The following TUSC3 variants were observed in gnomAD, a reference collection of about 807,000 sequenced individuals.
The protein encoded by TUSC3 is dolichyl-diphosphooligosaccharide--protein glycosyltransferase subunit TUSC3.
Under a neutral mutation model 44.8 loss-of-function variants are expected in TUSC3, and 45 were observed. The observed-to-expected ratio is 1.00, with a 90% CI of 0.79 to 1.29. The LOEUF is 1.29. Ranked by LOEUF, TUSC3 falls within the 50% of genes most tolerant of loss-of-function variation. TUSC3 has a pLI of 0.00. For missense variants in TUSC3, 519 were observed against 437.9 expected (o/e 1.19, Z -1.65); for synonymous variants, 212 against 152.9 (o/e 1.39, Z -2.85).
intron 1 of TUSC3, among the ~76,000 whole-genome samples, chr8:15,458,851 T>C (rs1003945919): frequency 3.9e-5 from 6 of 152,178 alleles, no homozygotes; most frequent in African/African-American, 1.4e-4. Context: ...AAAGCTGTCT[T>C]GGATTTTAGC....
intron 2 of TUSC3, among the ~76,000 whole-genome samples, chr8:15,503,068 G>A (rs1266871555): frequency 2.0e-5 from 3 of 152,064 alleles, no homozygotes; most frequent in South Asian, 2.1e-4. Flanking sequence ...CCACTTTCCC[G>A]CCATTTATAT....
intron 2 of TUSC3, among the ~76,000 whole-genome samples, chr8:15,515,644 G>T (rs1459277408): frequency 6.6e-6 from 1 of 151,798 alleles, no homozygotes; most frequent in East Asian, 1.9e-4. Context: ...TATATTATAT[G>T]ATACAAAATA....
intron 1 of TUSC3, among the ~76,000 whole-genome samples, chr8:15,474,495 C>A (rs1480041497): frequency 6.6e-6 from 1 of 152,074 alleles, no homozygotes. Context: ...CGTTCAGAGT[C>A]CCTGACTTCC....
At chr8:15,515,460 C>G (rs1585072474) in intron 2 of TUSC3, among the ~76,000 whole-genome samples, 1 of 152,172 alleles carries the variant, frequency 6.6e-6, no homozygotes, top group East Asian at 1.9e-4. Flanking sequence ...ATAGTATGAA[C>G]AGTCATTCAG....
intron 1 of TUSC3, among the ~76,000 whole-genome samples, chr8:15,447,707 T>A (rs1038162661): frequency 6.6e-6 from 1 of 151,622 alleles, no homozygotes; most frequent in East Asian, 1.9e-4. Flanking sequence ...TTTTTTTTTT[T>A]ACTTACTTTT....
At chr8:15,516,092 T>G (rs1057253351) in intron 2 of TUSC3, among the ~76,000 whole-genome samples, 1 of 152,162 alleles carries the variant, frequency 6.6e-6, no homozygotes, top group African/African-American at 2.4e-5. Flanking sequence ...AGCAGTAAGA[T>G]TAGTCTAGAT....
intron 6 of TUSC3, among the ~76,000 whole-genome samples, chr8:15,704,401 A>G (rs894335151): frequency 2.0e-5 from 3 of 151,878 alleles, no homozygotes; most frequent in African/African-American, 2.4e-5. Flanking sequence ...TGTTCTATAT[A>G]AGCCTTGTAA....
chr8:15,474,402 T>C (rs573575111), intron 1 of TUSC3, among the ~76,000 whole-genome samples: 2 of 152,298 alleles, frequency 1.3e-5, no homozygotes, highest in South Asian at 2.1e-4. Context: ...TAAGAAATTA[T>C]AAGAGTATTA....
At chr8:15,552,586 T>G (rs1313209138) in intron 1 of TUSC3, among the ~76,000 whole-genome samples, 1 of 151,664 alleles carries the variant, frequency 6.6e-6, no homozygotes, top group Admixed American at 6.6e-5. Context: ...GTCCAGCATA[T>G]GAAAAAACAC....
intron 2 of TUSC3, among the ~76,000 whole-genome samples, chr8:15,630,023 T>A (rs1343596473): frequency 6.7e-6 from 1 of 148,508 alleles, no homozygotes; most frequent in African/African-American, 2.5e-5. Context: ...ACTTTTTTTT[T>A]AAATCAAATT....
At chr8:15,479,726 G>A (rs1192009551) in intron 1 of TUSC3, among the ~76,000 whole-genome samples, 3 of 152,106 alleles carry the variant, frequency 2.0e-5, no homozygotes, top group Admixed American at 2.0e-4. Context: ...AATGCCTCCA[G>A]CTTTGTTCTT....
At chr8:15,515,101 A>T (rs561275240) in intron 2 of TUSC3, among the ~76,000 whole-genome samples, 1 of 152,252 alleles carries the variant, frequency 6.6e-6, no homozygotes, top group East Asian at 1.9e-4. Flanking sequence ...CCAAGACCAC[A>T]CTGTCTTGAT....
the TUSC3 span, among the ~76,000 whole-genome samples, chr8:15,795,144 C>G: frequency 6.6e-6 from 1 of 152,182 alleles, no homozygotes. Context: ...TCAATCATGG[C>G]TCCTGGGATC....
the TUSC3 span, among the ~76,000 whole-genome samples, chr8:15,820,151 C>T: frequency 1.3e-5 from 2 of 152,002 alleles, no homozygotes; most frequent in Non-Finnish European, 2.9e-5. Context: ...TGTTAAAGTA[C>T]CTTCATAAAT....
chr8:15,650,934 G>C lies in TUSC3; in HGVS notation c.426+120G>C, dbSNP rs975435856. ...GAACCTGGGAGGCGGAGGTTGCAGT[G>C]AGCCGAGATTGTGCCACTGCATTCC... On this transcript the variant is annotated intron_variant, in intron 3 of 10. Transcript: ENST00000503731. 4.0e-6 allele frequency: 4 copies of C among 1,002,480 alleles called. No individual in the cohort carries two copies. The African/African-American group carries it at 6.3e-5, about 16-fold the overall frequency. The allele number at this position is 1,002,480 out of a possible 1,614,324, so 62.1% of individuals were successfully genotyped here.
At chr8:15,794,924 A>G in the TUSC3 span, among the ~76,000 whole-genome samples, 1 of 152,164 alleles carries the variant, frequency 6.6e-6, no homozygotes, top group Non-Finnish European at 1.5e-5. Flanking sequence ...ATATGGATAA[A>G]TGTGAGAATC....
intron 2 of TUSC3, among the ~76,000 whole-genome samples, chr8:15,529,477 TAC>T (rs1322593409): frequency 2.0e-4 from 30 of 152,190 alleles, no homozygotes; most frequent in African/African-American, 6.8e-4. Context: ...TCACTGAAGA[TAC>T]AGTTTAAAAA....
chr8:15,664,202 A>G (rs1807552917), intron 5 of TUSC3, among the ~76,000 whole-genome samples: 3 of 151,740 alleles, frequency 2.0e-5, no homozygotes, highest in Admixed American at 2.0e-4. Flanking sequence ...CAAAGCTAGA[A>G]TGTGATTGAA....
upstream of TUSC3, among the ~76,000 whole-genome samples, chr8:15,537,970 G>T (rs7830920): frequency 1.3e-5 from 2 of 152,122 alleles, no homozygotes; most frequent in Non-Finnish European, 2.9e-5. Context: ...GCAAAAATAC[G>T]CAAGAGGCAA....
Sources: allele counts gnomAD v4.1 joint callset (sites outside exome capture counted in the v4.1 genomes callset), GRCh38; gene constraint gnomAD v4.1.1; transcripts MANE v1.5; gene names NCBI Gene and HGNC (gene_info 2026-07-23, HGNC 2026-07-21).